NEDD4L: variants seen among roughly 807,000 people sequenced by gnomAD.
NEDD4L encodes NEDD4 like E3 ubiquitin protein ligase, also known as E3 ubiquitin-protein ligase NEDD4-like.
In NEDD4L, 54 loss-of-function variants were observed where a neutral mutation model predicts 148.9. The ratio of observed to expected loss-of-function variants is 0.36; its 90% CI spans 0.29 to 0.45. The LOEUF (loss-of-function observed/expected upper bound fraction) is 0.45. NEDD4L is among the 20% of genes least tolerant of loss of function. The pLI is 1.00. For missense variants in NEDD4L, 856 were observed against 1,233.8 expected (o/e 0.69, Z 4.59); for synonymous variants, 433 against 440.7 (o/e 0.98, Z 0.22).
At chr18:58,390,897 T>C (rs2049732719) in intron 29 of NEDD4L, among the ~76,000 whole-genome samples, 155 bp downstream of exon 29, 1 of 152,130 alleles carries the variant, frequency 6.6e-6, no homozygotes, top group Admixed American at 6.5e-5. Context: ...ATGAAAGTAC[T>C]GTTATCTATA....
At chr18:58,346,714 G>C (rs890863190) in intron 16 of NEDD4L, among the ~76,000 whole-genome samples, 4 of 152,188 alleles carry the variant, frequency 2.6e-5, no homozygotes, top group Non-Finnish European at 5.9e-5. Context: ...ATGGAGGGAA[G>C]CAATTTTATA....
rs549201214 is a variant in NEDD4L at position 58,163,149 on chromosome 18, C to T, written c.49-2639C>T. On this transcript the variant is annotated intron_variant, in intron 1 of 30. Transcript: ENST00000400345. ...TAGCTTTCCACAGGCTTGATCGTAGCGCACTGCAGCCTTGAGCTCCTGGAC... is the reference window on the plus strand; with the variant it reads ...TAGCTTTCCACAGGCTTGATCGTAGTGCACTGCAGCCTTGAGCTCCTGGAC... Among the ~76,000 whole-genome samples the T allele has an allele frequency of 1.3e-4, 20 of 152,260 alleles. No homozygotes were observed. The East Asian group carries it at 3.1e-3, about 24-fold the overall frequency.
At chr18:58,097,742 C>G (rs757271593) in intron 1 of NEDD4L, among the ~76,000 whole-genome samples, 1 of 152,128 alleles carries the variant, frequency 6.6e-6, no homozygotes, top group African/African-American at 2.4e-5. Context: ...TATTAGAAAA[C>G]TGTAGTTGAC....
intron 19 of NEDD4L, among the ~76,000 whole-genome samples, chr18:58,360,579 T>C (rs1281528014): frequency 6.6e-6 from 1 of 151,824 alleles, no homozygotes; most frequent in Non-Finnish European, 1.5e-5. Flanking sequence ...TTTATCTCTT[T>C]ATTTATTTTT....
intron 1 of NEDD4L, among the ~76,000 whole-genome samples, chr18:58,059,250 G>T (rs1219381061): frequency 1.3e-5 from 2 of 152,018 alleles, no homozygotes; most frequent in African/African-American, 4.8e-5. Context: ...TTTCTAGTCT[G>T]TGTCATTACT....
At chr18:58,102,298 G>A (rs572107876) in intron 1 of NEDD4L, among the ~76,000 whole-genome samples, 1 of 152,214 alleles carries the variant, frequency 6.6e-6, no homozygotes, top group South Asian at 2.1e-4. Flanking sequence ...CAGGGCCTAG[G>A]AAGACTGATT....
intron 1 of NEDD4L, among the ~76,000 whole-genome samples, chr18:58,087,184 G>A (rs2083801022): frequency 1.3e-5 from 2 of 152,188 alleles, no homozygotes; most frequent in South Asian, 4.1e-4. Context: ...TCAACACTCT[G>A]GAAATTGCCT....
chr18:58,383,551 G>A (rs1229935270), intron 25 of NEDD4L, among the ~76,000 whole-genome samples: 1 of 152,196 alleles, frequency 6.6e-6, no homozygotes, highest in Non-Finnish European at 1.5e-5. Flanking sequence ...AGAGGAGGGA[G>A]AAAAGGTCTA....
chr18:58,341,452 T>A (rs187039400), intron 14 of NEDD4L, among the ~76,000 whole-genome samples: 1 of 152,310 alleles, frequency 6.6e-6, no homozygotes, highest in East Asian at 1.9e-4. Flanking sequence ...AGCCCCCACT[T>A]TAATCCGAGG....
At chr18:58,384,121 C>G (rs4940388) in intron 25 of NEDD4L, among the ~76,000 whole-genome samples, 1 of 152,174 alleles carries the variant, frequency 6.6e-6, no homozygotes, top group Admixed American at 6.5e-5. Flanking sequence ...TAGGCTCCCT[C>G]CTTTCTTCTC....
chr18:58,245,603 G>A, intron 3 of NEDD4L, 95 bp downstream of exon 3: 1 of 600,104 alleles, frequency 1.7e-6, no homozygotes, highest in Non-Finnish European at 3.0e-6. Flanking sequence ...GGTCAAGGAT[G>A]GACTACTTAC....
In NEDD4L at chr18:58,350,979, C is replaced by T. The variant is rs760196251; in HGVS notation, c.1654-12C>T. ...TTATATTTTCTCTCTCCCTTCCTTC[C>T]CCGGATACTAGCCTGGCTGGGAAGA... is the stretch of plus-strand genomic sequence containing the variant. On this transcript the variant is annotated splice_polypyrimidine_tract_variant and intron_variant, in intron 17 of 30. Transcript: ENST00000400345. 2.5e-5 allele frequency: 39 copies of T among 1,581,444 alleles called. No individual in the cohort carries two copies. The highest frequency in any genetic ancestry group is 3.3e-5 in the Non-Finnish European group (38 of 1,162,010).
Position 58,165,604 on chromosome 18 carries a change from G to A in NEDD4L, c.49-184G>A, listed in dbSNP as rs576925568. Reference sequence around the variant, plus strand: ...GATGTTCTAAGTTTCTAGAGTCACAGACTTTTAGAGCTGGAATATTGCTTT... The same window carrying A: ...GATGTTCTAAGTTTCTAGAGTCACAAACTTTTAGAGCTGGAATATTGCTTT... On this transcript the variant is annotated intron_variant, in intron 1 of 30. Coordinates refer to ENST00000400345, the MANE Select transcript of NEDD4L (RefSeq NM_001144967.3). 78 of 1,457,038 alleles carry A rather than the reference G, an allele frequency of 5.4e-5. 1 individual carries two copies. In the South Asian group the frequency reaches 1.0e-3, roughly 20 times the overall value. The allele number at this position is 1,457,038 out of a possible 1,614,324, so 90.3% of individuals were successfully genotyped here. A position where few individuals can be genotyped will look rare whatever the true frequency, so the allele number is the denominator to read the frequency against.
At chr18:58,051,813 GA>G (rs1206663231) in intron 1 of NEDD4L, among the ~76,000 whole-genome samples, 2 of 152,182 alleles carry the variant, frequency 1.3e-5, no homozygotes, top group Non-Finnish European at 2.9e-5. Flanking sequence ...AGGAGGATTA[GA>G]ATAATATATA....
At chr18:58,083,690 A>AAAAC (rs113820877) in intron 1 of NEDD4L, among the ~76,000 whole-genome samples, 140,555 of 151,584 alleles carry the variant, frequency 0.93, 65,219 homozygotes, top group East Asian at 1. Context: ...TCCATCTCAA[A>AAAAC]AAACAAAAAA....
At chr18:58,388,611 C>T (rs2049363635) in intron 27 of NEDD4L, 1 of 154,650 alleles carries the variant, frequency 6.5e-6, no homozygotes. Flanking sequence ...ATTCTTAGGC[C>T]TCTGGGCAGA....
At chr18:58,137,432 G>A (rs112248398) in intron 1 of NEDD4L, among the ~76,000 whole-genome samples, 1 of 152,170 alleles carries the variant, frequency 6.6e-6, no homozygotes, top group African/African-American at 2.4e-5. Flanking sequence ...CTGTGAGGTC[G>A]AGGTGGGTGT....
intron 5 of NEDD4L, among the ~76,000 whole-genome samples, chr18:58,309,370 T>G (rs1178428691): frequency 2.0e-5 from 3 of 152,156 alleles, no homozygotes; most frequent in Non-Finnish European, 4.4e-5. Context: ...CTCAGCAGAA[T>G]CTGTCACTCC....
intron 1 of NEDD4L, among the ~76,000 whole-genome samples, chr18:58,161,102 C>T (rs1274152589): frequency 2.6e-5 from 4 of 152,122 alleles, no homozygotes; most frequent in South Asian, 4.2e-4. Context: ...CTGCAACCTC[C>T]GCCTCCTGGG....
Sources: gnomAD v4.1 joint callset for allele counts (sites outside exome capture counted in the v4.1 genomes callset) on GRCh38, gnomAD v4.1.1 for gene constraint, MANE v1.5 for transcripts, NCBI Gene and HGNC (gene_info 2026-07-23, HGNC 2026-07-21) for gene names.